Variants in GRIK4 observed in about 807,000 individuals in gnomAD.
GRIK4 encodes glutamate receptor ionotropic, kainate 4.
GRIK4 carries 40 observed loss-of-function variants against 104.9 expected under a neutral mutation model. The observed-to-expected ratio is 0.38, with a 90% CI of 0.30 to 0.50. GRIK4 has a LOEUF of 0.50. Among genes scored for constraint, GRIK4 ranks in the 20% least tolerant of loss-of-function variants. The pLI is 0.93. For synonymous variants in GRIK4, 485 were observed against 524.9 expected (o/e 0.92, Z 1.04); for missense variants, 1,047 against 1,308.1 (o/e 0.80, Z 3.08).
chr11:120,832,139 ACT>A, intron 7 of GRIK4, 109 bp downstream of exon 7: 1 of 646,930 alleles, frequency 1.5e-6, no homozygotes, highest in Non-Finnish European at 2.6e-6. Context: ...CTGGACCTGA[ACT>A]CTTACAAACC....
At chr11:120,648,922 T>A (rs999771616) in intron 1 of GRIK4, among the ~76,000 whole-genome samples, 1 of 152,200 alleles carries the variant, frequency 6.6e-6, no homozygotes, top group African/African-American at 2.4e-5. Flanking sequence ...CTTCTCCGAC[T>A]GGAGTCCTGT....
At chr11:120,685,436 A>AC (rs1950260149) in intron 3 of GRIK4, among the ~76,000 whole-genome samples, 1 of 152,102 alleles carries the variant, frequency 6.6e-6, no homozygotes, top group African/African-American at 2.4e-5. Context: ...GTCCGCCCGT[A>AC]CCCCTCACCT....
intron 5 of GRIK4, among the ~76,000 whole-genome samples, chr11:120,818,400 G>A (rs977881266): frequency 1.3e-5 from 2 of 152,184 alleles, no homozygotes; most frequent in African/African-American, 4.8e-5. Flanking sequence ...AAATACAAGC[G>A]GGAAGAAAGA....
chr11:120,754,544 T>C (rs1299524919), intron 3 of GRIK4, among the ~76,000 whole-genome samples: 1 of 152,258 alleles, frequency 6.6e-6, no homozygotes, highest in Non-Finnish European at 1.5e-5. Context: ...ATGATGCTGC[T>C]GTGAACATTC....
At chr11:120,588,039 C>T (rs529650150) in intron 1 of GRIK4, among the ~76,000 whole-genome samples, 103 of 152,278 alleles carry the variant, frequency 6.8e-4, no homozygotes, top group Non-Finnish European at 1.4e-3. Flanking sequence ...GAATTTATCA[C>T]TCCAGACTGT....
At chr11:120,700,069 G>C (rs1336679655) in intron 3 of GRIK4, among the ~76,000 whole-genome samples, 1 of 152,168 alleles carries the variant, frequency 6.6e-6, no homozygotes, top group Non-Finnish European at 1.5e-5. Flanking sequence ...GATGCGTAGA[G>C]ATAGTAAGAT....
At chr11:120,736,140 G>T (rs533586019) in intron 3 of GRIK4, among the ~76,000 whole-genome samples, 1 of 152,188 alleles carries the variant, frequency 6.6e-6, no homozygotes, top group Non-Finnish European at 1.5e-5. Context: ...GGGCTCTTTA[G>T]TCAGCAGGTG....
chr11:120,607,913 T>A (rs7934084), intron 1 of GRIK4, among the ~76,000 whole-genome samples: 2 of 151,928 alleles, frequency 1.3e-5, no homozygotes, highest in Non-Finnish European at 2.9e-5. Context: ...GGTGAGACCC[T>A]GGATTCCAGG....
chr11:120,796,813 T>C (rs1397903497), intron 3 of GRIK4, among the ~76,000 whole-genome samples: 1 of 150,168 alleles, frequency 6.7e-6, no homozygotes, highest in African/African-American at 2.5e-5. Context: ...CTGAGGACCT[T>C]GAGCGGGTCA....
chr11:120,669,942 C>A (rs921541227), intron 3 of GRIK4, among the ~76,000 whole-genome samples: 1 of 152,254 alleles, frequency 6.6e-6, no homozygotes, highest in African/African-American at 2.4e-5. Flanking sequence ...CTAACAGAAA[C>A]TCAGATTTGC....
In GRIK4 at chr11:120,819,803, CAG is replaced by C; in HGVS notation, c.398_399del (p.Arg133IlefsTer12). Reference sequence around the variant, plus strand: ...AGAGGAGTTCGTCAAGTTCCAGTTCCAGAGATTCACAACCCTGAACCTCCACC... The same window carrying C: ...AGAGGAGTTCGTCAAGTTCCAGTTCCAGATTCACAACCCTGAACCTCCACC... ...APEEFVKFQFQRFTTLNLHPS... is the reference protein window; with the variant it reads ...APEEFVKFQFXRFTTLNLHPS... On this transcript the variant is annotated frameshift_variant, in exon 6 of 21. Transcript: ENST00000527524. LOFTEE classifies it high-confidence loss of function. The surrounding 1 kb of genome is among the most constrained non-coding windows in gnomAD (Gnocchi z 4.3). The C allele has an allele frequency of 6.2e-7, 1 of 1,614,176 alleles. No individual in the cohort carries two copies. Among genetic ancestry groups the C allele is most frequent in the South Asian group, 1.1e-5 (1 of 91,082 alleles).
intron 1 of GRIK4, among the ~76,000 whole-genome samples, chr11:120,526,983 T>C (rs1947864200): frequency 6.6e-6 from 1 of 152,258 alleles, no homozygotes; most frequent in Admixed American, 6.5e-5. Flanking sequence ...TTGAACACTT[T>C]AGGCAGAAGA....
rs1464475329 is a variant in GRIK4 at position 120,961,028 on chromosome 11, T to C, written c.1994T>C (p.Ile665Thr). The change falls in exon 17 of 21, where the codon ATT (isoleucine) becomes ACT (threonine). Residue 665 changes from isoleucine to threonine, a missense_variant. Physicochemically the swap from Ile to Thr is moderately conservative, Grantham distance 89. This residue lies in a region of GRIK4 where 440 missense variants were observed against 652.3 expected (regional missense o/e 0.67). Coordinates refer to ENST00000527524, the MANE Select transcript of GRIK4 (RefSeq NM_014619.5). The stretch of plus-strand genomic sequence containing the variant: ...GATGACCTGGCTGACCAGACCGCCA[T>C]TGAATATGGCACAATTCACGGAGGC... ...SVDDLADQTA[I>T]EYGTIHGGSS... The C allele has an allele frequency of 2.5e-6, 4 of 1,614,172 alleles. No individual in the cohort carries two copies. The highest frequency in any genetic ancestry group is 1.7e-5 in the Admixed American group (1 of 60,000).
chr11:120,625,782 C>T (rs945723668), intron 1 of GRIK4, among the ~76,000 whole-genome samples: 2 of 151,900 alleles, frequency 1.3e-5, no homozygotes, highest in African/African-American at 4.8e-5. Flanking sequence ...ATCAGAACTT[C>T]CAGGTGGCAG....
At chr11:120,656,211 T>G (rs1214898752) in intron 2 of GRIK4, among the ~76,000 whole-genome samples, 2 of 152,242 alleles carry the variant, frequency 1.3e-5, no homozygotes, top group Non-Finnish European at 2.9e-5. Context: ...TGTTTTTTGG[T>G]GAAGAATCTG....
intron 11 of GRIK4, among the ~76,000 whole-genome samples, chr11:120,890,350 C>T (rs1456524657): frequency 6.6e-6 from 1 of 152,174 alleles, no homozygotes; most frequent in Non-Finnish European, 1.5e-5. Flanking sequence ...CCCCCTGAAT[C>T]CCCTTGTGCC....
chr11:120,661,685 C>T (rs1949819714), intron 3 of GRIK4, among the ~76,000 whole-genome samples: 1 of 152,198 alleles, frequency 6.6e-6, no homozygotes, highest in African/African-American at 2.4e-5. Flanking sequence ...GCCGGAAGCC[C>T]AGCCTGCAGG....
chr11:120,792,237 TGTGTGTGTGTGTGTGC>T (rs774750850), intron 3 of GRIK4, among the ~76,000 whole-genome samples: 1 of 150,214 alleles, frequency 6.7e-6, no homozygotes, highest in Non-Finnish European at 1.5e-5. Flanking sequence ...AGCAGCACCG[TGTGTGTGTGTGTGTGC>T]GTGTGTGTGT....
chr11:120,601,656 T>G (rs530872175), intron 1 of GRIK4, among the ~76,000 whole-genome samples: 2 of 149,962 alleles, frequency 1.3e-5, no homozygotes, highest in East Asian at 3.9e-4. Flanking sequence ...GGTTTTTTTT[T>G]TTTTTTTTTT....
Sources: allele counts gnomAD v4.1 joint callset (sites outside exome capture counted in the v4.1 genomes callset), GRCh38; gene constraint gnomAD v4.1.1; regional missense constraint gnomAD v4.1.1; non-coding constraint Gnocchi (gnomAD v3.1); transcripts MANE v1.5; gene names NCBI Gene and HGNC (gene_info 2026-07-23, HGNC 2026-07-21).